Variants in POLN observed in about 807,000 individuals in gnomAD.
The protein encoded by POLN is DNA polymerase N.
A neutral mutation model predicts 113.5 loss-of-function variants in POLN; 108 were observed. The observed-to-expected ratio is 0.95, with a 90% CI of 0.81 to 1.12. The LOEUF is 1.12. Ranked by LOEUF, POLN falls within the 50% of genes most tolerant of loss-of-function variation. The pLI is 0.00. For synonymous variants in POLN, 386 were observed against 391.5 expected (o/e 0.99, Z 0.17); for missense variants, 1,097 against 1,077.1 (o/e 1.02, Z -0.26).
chr4:2,238,240 CA>C (rs1212126548), intron 2 of POLN, among the ~76,000 whole-genome samples: 5 of 152,096 alleles, frequency 3.3e-5, no homozygotes, highest in African/African-American at 1.2e-4. Context: ...CTACCTTCTC[CA>C]AATGCAGTCA....
chr4:2,073,087 C>A (rs1730191623), intron 24 of POLN, 58 bp from the exon 25 acceptor site: 2 of 1,568,332 alleles, frequency 1.3e-6, no homozygotes, highest in African/African-American at 1.4e-5. Context: ...GGCCTGGGAG[C>A]CGAAGATAAG....
chr4:2,211,158 G>A (rs1441284146), intron 4 of POLN, among the ~76,000 whole-genome samples: 1 of 147,646 alleles, frequency 6.8e-6, no homozygotes, highest in Non-Finnish European at 1.5e-5. Context: ...GCTGAGGCAG[G>A]AGAATCGCTT....
At chr4:2,097,657 T>C (rs1730827269) in intron 19 of POLN, among the ~76,000 whole-genome samples, 1 of 152,148 alleles carries the variant, frequency 6.6e-6, no homozygotes, top group South Asian at 2.1e-4. Context: ...TCTCCTACCA[T>C]TTTTAAGTTT....
At chr4:2,162,054 A>C (rs936657128) in intron 13 of POLN, among the ~76,000 whole-genome samples, 1 of 152,146 alleles carries the variant, frequency 6.6e-6, no homozygotes, top group African/African-American at 2.4e-5. Flanking sequence ...CAGGATGTGG[A>C]TAGGGCCAGA....
chr4:2,235,913 C>T lies in POLN; in HGVS notation c.-13+5607G>A, dbSNP rs551879118. Among the ~76,000 whole-genome samples the T allele has an allele frequency of 1.5e-4, 23 of 151,976 alleles. No homozygotes were observed. The South Asian group carries it at 3.7e-3, about 25-fold the overall frequency. ...ACAGAGGATTTTAAAGCTATAAAGG[C>T]AATCCTGTGTTTGCTAAGATGAGTG... On this transcript the variant is annotated intron_variant, in intron 2 of 25. Coordinates refer to ENST00000511885, the MANE Select transcript of POLN (RefSeq NM_181808.4).
At position 2,176,301 on chromosome 4, in the gene POLN, AGAGTGTC is replaced by A. The variant is rs1410865225; in HGVS notation, c.1206_1212del (p.Lys402AsnfsTer12). 1.9e-6 allele frequency: 3 copies of A among 1,601,632 alleles called. No individual in the cohort carries two copies. The African/African-American group carries it at 4.0e-5, about 22-fold the overall frequency. ...GAGCAAAGGTCCATTGTAAGTCTGT[AGAGTGTC>A]TTCAGGTTCTCACGTACATTCTGAT... On this transcript the variant is annotated frameshift_variant, in exon 9 of 26. Coordinates refer to ENST00000511885, the MANE Select transcript of POLN (RefSeq NM_181808.4). LOFTEE classifies it high-confidence loss of function.
chr4:2,143,548 A>G (rs1296453831), intron 16 of POLN, among the ~76,000 whole-genome samples: 1 of 152,228 alleles, frequency 6.6e-6, no homozygotes, highest in Non-Finnish European at 1.5e-5. Flanking sequence ...TTGAACTCAT[A>G]ATTTTAAAAC....
rs1038818382 is a variant in POLN, at chr4:2,127,633, A to G, written c.1982+480T>C. 1.3e-5 allele frequency among the ~76,000 whole-genome samples: 2 copies of G among 152,212 alleles called. No individual in the cohort carries two copies. The highest frequency in any genetic ancestry group is 4.8e-5 in the African/African-American group (2 of 41,470). ...GGACGGGCCTGGGACGACACTGCCA[A>G]GCTGCCCAACAAAACCCGAGCCCAT... On this transcript the variant is annotated intron_variant, in intron 19 of 25. Transcript: ENST00000511885. The surrounding 1 kb of genome is among the most constrained non-coding windows in gnomAD (Gnocchi z 4.7).
chr4:2,115,232 T>A (rs1289441748), intron 19 of POLN, among the ~76,000 whole-genome samples: 36 of 145,070 alleles, frequency 2.5e-4, no homozygotes, highest in East Asian at 2.2e-3. Flanking sequence ...ATATATATTT[T>A]TTTTTTTGTA....
chr4:2,116,653 G>A lies in POLN; in HGVS notation c.1982+11460C>T, dbSNP rs573426277. ...TAGGGGAACTCTTGTTGCCTTGCAA[G>A]GGCAAGTGGCCTGCAAACTTGGCTC... is the stretch of plus-strand genomic sequence containing the variant. On this transcript the variant is annotated intron_variant, in intron 19 of 25. Coordinates refer to ENST00000511885, the MANE Select transcript of POLN (RefSeq NM_181808.4). 3.9e-5 allele frequency among the ~76,000 whole-genome samples: 6 copies of A among 152,246 alleles called. No homozygotes were observed. In the South Asian group the frequency reaches 1.0e-3, roughly 26 times the overall value.
chr4:2,080,856 A>G (rs1464324643), intron 23 of POLN, 102 bp downstream of exon 23: 2 of 1,596,252 alleles, frequency 1.3e-6, no homozygotes. Flanking sequence ...CGGGGGCCCG[A>G]TAAGCAGAGA....
chr4:2,179,792 G>A (rs902259244), intron 7 of POLN, among the ~76,000 whole-genome samples: 2 of 152,172 alleles, frequency 1.3e-5, no homozygotes, highest in Non-Finnish European at 2.9e-5. Flanking sequence ...AGTCAGAGTC[G>A]TGGGTCATGC....
At chr4:2,097,777 TG>T (rs1464958190) in intron 19 of POLN, among the ~76,000 whole-genome samples, 2 of 152,252 alleles carry the variant, frequency 1.3e-5, no homozygotes, top group African/African-American at 2.4e-5. Context: ...GTTGAAAAGC[TG>T]GGATTACAAG....
chr4:2,178,990 A>C (rs140361509), intron 8 of POLN, among the ~76,000 whole-genome samples: 1 of 152,246 alleles, frequency 6.6e-6, no homozygotes, highest in Non-Finnish European at 1.5e-5. Flanking sequence ...CACTGTGGCC[A>C]CGTCACCAGC....
At chr4:2,229,461 C>G in intron 2 of POLN, 1 of 359,494 alleles carries the variant, frequency 2.8e-6, no homozygotes, top group Non-Finnish European at 4.9e-6. Flanking sequence ...AAATAGATAA[C>G]TTATTTTCTA....
intron 24 of POLN, among the ~76,000 whole-genome samples, chr4:2,073,721 G>A (rs1366040413): frequency 1.3e-5 from 2 of 152,258 alleles, no homozygotes; most frequent in African/African-American, 4.8e-5. Flanking sequence ...TTTGTGCTGT[G>A]TGACACTGCA....
intron 7 of POLN, among the ~76,000 whole-genome samples, chr4:2,189,864 A>T (rs917836209): frequency 1.3e-5 from 2 of 151,924 alleles, no homozygotes; most frequent in African/African-American, 4.8e-5. Flanking sequence ...CCCCGTCTCT[A>T]CTAAAAATAC....
intron 7 of POLN, among the ~76,000 whole-genome samples, chr4:2,188,217 A>T (rs7691608): frequency 6.6e-6 from 1 of 151,932 alleles, no homozygotes; most frequent in Non-Finnish European, 1.5e-5. Flanking sequence ...TGAAAAAGAG[A>T]TAAAGCCCCA....
intron 21 of POLN, among the ~76,000 whole-genome samples, chr4:2,084,112 C>A (rs1039340469): frequency 6.6e-6 from 1 of 152,222 alleles, no homozygotes; most frequent in African/African-American, 2.4e-5. Flanking sequence ...CTCTCTCCAC[C>A]CCTCCTCAGT....
Sources: allele counts gnomAD v4.1 joint callset (sites outside exome capture counted in the v4.1 genomes callset), GRCh38; gene constraint gnomAD v4.1.1; non-coding constraint Gnocchi (gnomAD v3.1); transcripts MANE v1.5; gene names NCBI Gene and HGNC (gene_info 2026-07-23, HGNC 2026-07-21).